ME1: variants seen among roughly 807,000 people sequenced by gnomAD.
ME1 encodes NADP-dependent malic enzyme.
A neutral mutation model predicts 66.4 loss-of-function variants in ME1; 74 were observed. The ratio of observed to expected loss-of-function variants is 1.11; its 90% CI spans 0.92 to 1.35. ME1 has a LOEUF of 1.35. ME1 is among the 40% of genes most tolerant of loss of function. ME1 has a pLI of 0.00. For missense variants in ME1, 750 were observed against 694.1 expected (o/e 1.08, Z -0.90); for synonymous variants, 251 against 235.6 (o/e 1.07, Z -0.60).
intron 7 of ME1, among the ~76,000 whole-genome samples, chr6:83,248,544 A>C (rs900603653): frequency 4.6e-5 from 7 of 152,126 alleles, no homozygotes; most frequent in Non-Finnish European, 8.8e-5. Context: ...TAATCTCCAC[A>C]TGTTGAGGGA....
intron 6 of ME1, among the ~76,000 whole-genome samples, chr6:83,279,450 A>G (rs965094932): frequency 3.3e-5 from 5 of 152,216 alleles, no homozygotes; most frequent in African/African-American, 1.2e-4. Context: ...AGAAACTCTA[A>G]GAATCGAAAG....
At chr6:83,238,600 G>A (rs1166952977) in intron 8 of ME1, among the ~76,000 whole-genome samples, 1 of 151,972 alleles carries the variant, frequency 6.6e-6, no homozygotes, top group Non-Finnish European at 1.5e-5. Flanking sequence ...TTATTTCAAT[G>A]TGAAAGTGAA....
At position 83,346,347 on chromosome 6, in the gene ME1, GA is replaced by G; in HGVS notation, c.439-14del. 6.4e-7 allele frequency: 1 copy of G among 1,557,250 alleles called. No homozygotes were observed. Among genetic ancestry groups the G allele is most frequent in the Admixed American group, 1.9e-5 (1 of 51,452 alleles). ...TCACCACAATGGCCTGGAAGAAAAA[GA>G]AAAATTACCTATTAACAAGTTTTCA... On this transcript the variant is annotated splice_polypyrimidine_tract_variant and intron_variant, in intron 4 of 13. Transcript: ENST00000369705.
chr6:83,299,577 T>C (rs1767674094), intron 6 of ME1, among the ~76,000 whole-genome samples: 2 of 152,182 alleles, frequency 1.3e-5, no homozygotes, highest in Non-Finnish European at 2.9e-5. Flanking sequence ...CTCCTTCTAT[T>C]TGAATACTCT....
intron 3 of ME1, among the ~76,000 whole-genome samples, chr6:83,388,339 G>GC (rs1252055610): frequency 6.6e-6 from 1 of 151,956 alleles, no homozygotes; most frequent in Admixed American, 6.6e-5. Context: ...GTCTGCCTTG[G>GC]CCCCCCAAAG....
intron 6 of ME1, among the ~76,000 whole-genome samples, chr6:83,300,190 C>T (rs1345803273): frequency 1.3e-5 from 2 of 152,046 alleles, no homozygotes; most frequent in African/African-American, 4.8e-5. Flanking sequence ...ACTGGCTAGC[C>T]ATATACAGAT....
chr6:83,363,823 C>T (rs560855422), intron 3 of ME1, among the ~76,000 whole-genome samples: 46 of 152,270 alleles, frequency 3.0e-4, no homozygotes, highest in African/African-American at 9.9e-4. Flanking sequence ...AACTGCGCAT[C>T]AGCATTTAAG....
intron 1 of ME1, among the ~76,000 whole-genome samples, chr6:83,411,321 G>A (rs1361246628): frequency 4.0e-5 from 6 of 151,572 alleles, no homozygotes; most frequent in African/African-American, 7.3e-5. Context: ...CCGAGATTGC[G>A]CCACTGCACT....
chr6:83,409,466 C>T (rs1037826317), intron 1 of ME1, among the ~76,000 whole-genome samples: 3 of 152,182 alleles, frequency 2.0e-5, no homozygotes, highest in African/African-American at 7.2e-5. Context: ...AGGGAGGTGA[C>T]AAACCCTGAT....
intron 5 of ME1, among the ~76,000 whole-genome samples, chr6:83,341,031 A>G (rs974936858): frequency 3.9e-5 from 6 of 152,062 alleles, no homozygotes; most frequent in Admixed American, 2.0e-4. Flanking sequence ...CACCGGGTGA[A>G]CGCTGGCCAT....
At chr6:83,298,616 T>C (rs1343462338) in intron 6 of ME1, among the ~76,000 whole-genome samples, 2 of 152,166 alleles carry the variant, frequency 1.3e-5, no homozygotes, top group African/African-American at 4.8e-5. Context: ...TTGCTTTTCA[T>C]GTTTCTGTCA....
At chr6:83,317,216 T>A (rs537345923) in intron 5 of ME1, among the ~76,000 whole-genome samples, 4 of 152,106 alleles carry the variant, frequency 2.6e-5, no homozygotes, top group African/African-American at 9.7e-5. Context: ...AACATGAAAT[T>A]AAGTGTGTGG....
chr6:83,311,807 A>C (rs1027560993), intron 6 of ME1, among the ~76,000 whole-genome samples: 3 of 152,168 alleles, frequency 2.0e-5, no homozygotes, highest in African/African-American at 4.8e-5. Flanking sequence ...CACAATTATC[A>C]TAAGAGTGGC....
intron 8 of ME1, among the ~76,000 whole-genome samples, chr6:83,239,236 C>CAT (rs1790466834): frequency 6.6e-6 from 1 of 151,926 alleles, no homozygotes; most frequent in Non-Finnish European, 1.5e-5. Flanking sequence ...TAAAAGCTTG[C>CAT]ATATATACAC....
intron 12 of ME1, among the ~76,000 whole-genome samples, 194 bp downstream of exon 12, chr6:83,223,566 A>T (rs1790131505): frequency 6.6e-6 from 1 of 152,228 alleles, no homozygotes; most frequent in African/African-American, 2.4e-5. Context: ...TCTAATGACT[A>T]CTGAAGAAGA....
chr6:83,394,096 T>C (rs1283874091), intron 3 of ME1, among the ~76,000 whole-genome samples: 2 of 151,916 alleles, frequency 1.3e-5, no homozygotes, highest in East Asian at 3.8e-4. Context: ...GTTAAAATAA[T>C]ATTCTTATAT....
chr6:83,382,827 T>C (rs13220730), intron 3 of ME1, among the ~76,000 whole-genome samples: 30,102 of 150,616 alleles, frequency 0.2, 3,447 homozygotes, highest in Middle Eastern at 0.38. Context: ...GTATTGGCTA[T>C]TTTCATGTGT....
chr6:83,347,358 G>A (rs1768708628), intron 4 of ME1, among the ~76,000 whole-genome samples: 1 of 152,060 alleles, frequency 6.6e-6, no homozygotes, highest in African/African-American at 2.4e-5. Context: ...GAACATCTTT[G>A]TGATTCATGT....
chr6:83,246,211 G>A (rs995278588), intron 7 of ME1, among the ~76,000 whole-genome samples: 4 of 152,140 alleles, frequency 2.6e-5, no homozygotes, highest in Non-Finnish European at 5.9e-5. Flanking sequence ...GCTAATGAAA[G>A]ATTATATATT....
Sources: gnomAD v4.1 joint callset for allele counts (sites outside exome capture counted in the v4.1 genomes callset) on GRCh38, gnomAD v4.1.1 for gene constraint, MANE v1.5 for transcripts, NCBI Gene and HGNC (gene_info 2026-07-23, HGNC 2026-07-21) for gene names.